Variants in NCBP1 observed in about 807,000 individuals in gnomAD.
The protein encoded by NCBP1 is nuclear cap-binding protein subunit 1.
In NCBP1, 16 loss-of-function variants were observed where a neutral mutation model predicts 111.7. The ratio of observed to expected loss-of-function variants is 0.14; its 90% confidence interval spans 0.10 to 0.22. NCBP1 has a LOEUF of 0.22. NCBP1 is among the 10% of genes least tolerant of loss of function. NCBP1 has a pLI of 1.00. For missense variants in NCBP1, 607 were observed against 957.5 expected (o/e 0.63, Z 4.83); for synonymous variants, 304 against 314.3 (o/e 0.97, Z 0.35).
rs1287552373 is a variant in NCBP1, at chr9:97,660,445, G to A, written c.1478-501G>A. Among the ~76,000 whole-genome samples, 3 of 152,098 alleles carry A rather than the reference G, an allele frequency of 2.0e-5. No individual in the cohort carries two copies. In the East Asian group the frequency reaches 5.8e-4, roughly 29 times the overall value. ...ACGTAGATTCAAGCTTGTGGACTCA[G>A]CAAAAAAGAAAAGTACAAAAACAAA... On this transcript the variant is annotated intron_variant, in intron 15 of 22. Transcript: ENST00000375147.
intron 8 of NCBP1, among the ~76,000 whole-genome samples, chr9:97,649,095 ATATT>A: frequency 6.6e-6 from 1 of 152,296 alleles, no homozygotes; most frequent in South Asian, 2.1e-4. Flanking sequence ...GTGATTATTC[ATATT>A]GTATGATTAT....
chr9:97,659,118 T>C (rs984087505), intron 15 of NCBP1, among the ~76,000 whole-genome samples: 1 of 152,274 alleles, frequency 6.6e-6, no homozygotes, highest in South Asian at 2.1e-4. Flanking sequence ...TGTGGCAGTA[T>C]GCCTTTAAAA....
chr9:97,641,499 T>G, intron 2 of NCBP1, 63 bp from the exon 3 acceptor site: 1 of 1,269,244 alleles, frequency 7.9e-7, no homozygotes, highest in Admixed American at 2.7e-5. Context: ...TTTAAATAGA[T>G]TTTTAAAAAT....
At chr9:97,643,580 C>G (rs1827258510) in intron 4 of NCBP1, among the ~76,000 whole-genome samples, 1 of 152,118 alleles carries the variant, frequency 6.6e-6, no homozygotes, top group African/African-American at 2.4e-5. Flanking sequence ...GCTGCATAGC[C>G]TTCAGATACC....
chr9:97,638,684 C>T (rs528412736), intron 1 of NCBP1, among the ~76,000 whole-genome samples: 22 of 152,310 alleles, frequency 1.4e-4, no homozygotes, highest in Admixed American at 3.3e-4. Context: ...TTCTAGAATA[C>T]GGTTTCTTAA....
chr9:97,658,705 A>G lies in NCBP1; in HGVS notation c.1439A>G (p.Asn480Ser), dbSNP rs1382987877. 2.5e-6 allele frequency: 4 copies of G among 1,612,884 alleles called. No individual in the cohort carries two copies. The South Asian group carries it at 4.4e-5, about 18-fold the overall frequency. ...ACCTTCTCAGCTCTGTGTCCTGCAA[A>G]CCCAACCTGCATTTACAAGTATGGA... Reference protein sequence around the residue: ...PPTFSALCPANPTCIYKYGDE... With the variant: ...PPTFSALCPASPTCIYKYGDE... The change falls in exon 15 of 23, where the codon AAC becomes AGC. Residue 480 changes from asparagine (N) to serine (S), a missense_variant. Transcript: ENST00000375147.
At chr9:97,647,894 C>A in intron 7 of NCBP1, 114 bp from the exon 8 acceptor site, 1 of 912,420 alleles carries the variant, frequency 1.1e-6, no homozygotes, top group Admixed American at 2.9e-5. Flanking sequence ...TTTTTTGTAC[C>A]ATCTTACAAG....
chr9:97,655,910 C>G, intron 13 of NCBP1, 101 bp from the exon 14 acceptor site: 1 of 1,358,828 alleles, frequency 7.4e-7, no homozygotes, highest in Non-Finnish European at 1.0e-6. Flanking sequence ...TATAACTTAA[C>G]AAAACTTGTA....
At chr9:97,667,286 C>T (rs577885067) in intron 20 of NCBP1, among the ~76,000 whole-genome samples, 23 of 152,074 alleles carry the variant, frequency 1.5e-4, no homozygotes, top group Non-Finnish European at 3.2e-4. Context: ...CCCAAGTTAA[C>T]GGAATACTTC....
At chr9:97,666,187 C>T (rs1372292336) in intron 19 of NCBP1, among the ~76,000 whole-genome samples, 1 of 152,136 alleles carries the variant, frequency 6.6e-6, no homozygotes, top group Admixed American at 6.5e-5. Context: ...ACAAACATTT[C>T]AAAGCACCTA....
At chr9:97,641,804 CCTTTGGCG>C (rs1376851298) in intron 3 of NCBP1, 142 bp downstream of exon 3, 5 of 940,756 alleles carry the variant, frequency 5.3e-6, no homozygotes, top group African/African-American at 3.4e-5. Context: ...AATGAGCCAA[CCTTTGGCG>C]CTTTGGCGAA....
At chr9:97,661,583 G>C (rs1827835159) in intron 16 of NCBP1, among the ~76,000 whole-genome samples, 1 of 152,090 alleles carries the variant, frequency 6.6e-6, no homozygotes, top group Non-Finnish European at 1.5e-5. Flanking sequence ...GATATTAGTG[G>C]CCTTTGGGTA....
intron 10 of NCBP1, 125 bp from the exon 11 acceptor site, chr9:97,653,673 A>G (rs1487295340): frequency 3.1e-6 from 2 of 644,284 alleles, no homozygotes; most frequent in Non-Finnish European, 5.1e-6. Flanking sequence ...TTAAATATTA[A>G]AAAGTAATTC....
intron 12 of NCBP1, 26 bp downstream of exon 12, chr9:97,654,970 C>G: frequency 6.6e-7 from 1 of 1,520,782 alleles, no homozygotes; most frequent in Non-Finnish European, 8.9e-7. Context: ...TACTGCTGAG[C>G]TGAGTTAGCA....
At position 97,658,741 on chromosome 9, in the gene NCBP1, G is replaced by A. The variant is rs748815530; in HGVS notation, c.1475G>A (p.Ser492Asn). ...ATTTACAAGTATGGAGATGAAAGTA[G>A]CAGTAAGTAATGAAACTAATCCCTC... ...TCIYKYGDES[S>N]NSLPGHSVAL... The change falls in exon 15 of 23, where the codon AGC (serine) becomes AAC (asparagine). Residue 492 changes from serine (S) to asparagine (N), a missense_variant and splice_region_variant. By Grantham distance (46) the Ser-to-Asn change is conservative (BLOSUM62 1). Coordinates refer to ENST00000375147, the MANE Select transcript of NCBP1 (RefSeq NM_002486.5). The A allele has an allele frequency of 6.9e-6, 11 of 1,592,788 alleles. No individual in the cohort carries two copies. The highest frequency in any genetic ancestry group is 2.7e-5 in the African/African-American group (2 of 74,100).
At position 97,635,470 on chromosome 9, in the gene NCBP1, G is replaced by C. The variant is rs2131326957; in HGVS notation, c.34+1555G>C. Among the ~76,000 whole-genome samples, 3 of 150,190 alleles carry C rather than the reference G, an allele frequency of 2.0e-5. No homozygotes were observed. The South Asian group carries it at 6.3e-4, about 31-fold the overall frequency. On this transcript the variant is annotated intron_variant, in intron 1 of 22. Transcript: ENST00000375147. ...TTCTTTGTCAGGCTGGAGTGCAGTG[G>C]CGCGATCTCGGCTTACTGCAACCTC...
intron 10 of NCBP1, among the ~76,000 whole-genome samples, chr9:97,652,630 AAT>A: frequency 6.6e-6 from 1 of 152,286 alleles, no homozygotes; most frequent in South Asian, 2.1e-4. Flanking sequence ...AAAATAAATA[AAT>A]AGTGTTCATG....
intron 22 of NCBP1, 155 bp downstream of exon 22, chr9:97,669,861 A>G: frequency 4.3e-6 from 3 of 705,098 alleles, no homozygotes; most frequent in Non-Finnish European, 7.7e-6. Flanking sequence ...TCATCAGAAT[A>G]TTTAGGCTTA....
At chr9:97,645,819 C>A in intron 6 of NCBP1, 87 bp downstream of exon 6, 3 of 1,474,164 alleles carry the variant, frequency 2.0e-6, no homozygotes, top group Non-Finnish European at 2.8e-6. Flanking sequence ...CAAAAATAAG[C>A]TGTAGAGTTC....
Sources: allele counts gnomAD v4.1 joint callset (sites outside exome capture counted in the v4.1 genomes callset), GRCh38; gene constraint gnomAD v4.1.1; transcripts MANE v1.5; gene names NCBI Gene and HGNC (gene_info 2026-07-23, HGNC 2026-07-21).